The following PLXNC1 variants were observed in gnomAD, a reference collection of about 807,000 sequenced individuals.
PLXNC1 encodes plexin C1, also known as plexin-C1.
PLXNC1 carries 75 observed loss-of-function variants against 178.2 expected under a neutral mutation model. That is an observed-to-expected ratio of 0.42 (90% CI 0.35 to 0.51). The LOEUF is 0.51. Among genes scored for constraint, PLXNC1 ranks in the 20% least tolerant of loss-of-function variants. The pLI is 0.02. For synonymous variants in PLXNC1, 790 were observed against 779.9 expected (o/e 1.01, Z -0.22); for missense variants, 1,503 against 1,984.4 (o/e 0.76, Z 4.61).
intron 21 of PLXNC1, chr12:94,272,045 T>C (rs1028735897): frequency 5.3e-5 from 8 of 152,132 alleles, no homozygotes; most frequent in African/African-American, 1.4e-4. Context: ...GAGAGGCTGA[T>C]GGCTGACATG....
At chr12:94,198,185 G>T (rs1962990214) in intron 4 of PLXNC1, among the ~76,000 whole-genome samples, 1 of 152,170 alleles carries the variant, frequency 6.6e-6, no homozygotes, top group Non-Finnish European at 1.5e-5. Flanking sequence ...GCCATGGAAT[G>T]AAAAGGAATG....
In PLXNC1 at chr12:94,301,953, CCTTAGCCTTATCA is replaced by C. The variant is rs201217283; in HGVS notation, c.4386+909_4386+921del. ...AAATGTCTGTCGCTCCCTCCTCCTTCCTTAGCCTTATCACTTAGCCTTATCCCTTCATCCCGTC... is the reference window on the plus strand; with the variant it reads ...AAATGTCTGTCGCTCCCTCCTCCTTCCTTAGCCTTATCCCTTCATCCCGTC... On this transcript the variant is annotated intron_variant, in intron 28 of 30. Transcript: ENST00000258526. Among the ~76,000 whole-genome samples the C allele has an allele frequency of 8.2e-3, 1,243 of 152,268 alleles. 14 individuals are homozygous for C. Among genetic ancestry groups the C allele is most frequent in the African/African-American group, 0.028 (1,157 of 41,534 alleles).
rs1312670068 is a variant in PLXNC1, at chr12:94,247,871, A to G, written c.2389-32A>G. 6 of 1,599,524 alleles carry G rather than the reference A, an allele frequency of 3.8e-6. No homozygotes were observed. The Admixed American group carries it at 1.0e-4, about 27-fold the overall frequency. ...GATCACAGCTGGGATTCGTTAACAAAGTTACTAAAACATTCTTTTCTTTTT... is the reference window on the plus strand; with the variant it reads ...GATCACAGCTGGGATTCGTTAACAAGGTTACTAAAACATTCTTTTCTTTTT... On this transcript the variant is annotated intron_variant, in intron 12 of 30. Transcript: ENST00000258526.
At chr12:94,155,198 A>G (rs4237889) in intron 1 of PLXNC1, among the ~76,000 whole-genome samples, 118,703 of 152,106 alleles carry the variant, frequency 0.78, 46,500 homozygotes, top group East Asian at 0.95. Flanking sequence ...TGGAACTTCT[A>G]TGGTGTAATT....
intron 23 of PLXNC1, among the ~76,000 whole-genome samples, chr12:94,290,555 T>G (rs942056618): frequency 3.3e-5 from 5 of 152,086 alleles, no homozygotes; most frequent in Non-Finnish European, 7.4e-5. Flanking sequence ...ACACCAGCAG[T>G]TGGAGGCCTC....
chr12:94,247,732 GTAATGT>G lies in PLXNC1; in HGVS notation c.2389-170_2389-165del, dbSNP rs576145525. On this transcript the variant is annotated intron_variant, in intron 12 of 30. Coordinates refer to ENST00000258526, the MANE Select transcript of PLXNC1 (RefSeq NM_005761.3). Reference sequence around the variant, plus strand: ...TCAGTTAACGTAGCCCTCATTTAATGTAATGTAGGGTGAAGTCAATCCTGTGAGGGA... The same window carrying G: ...TCAGTTAACGTAGCCCTCATTTAATGAGGGTGAAGTCAATCCTGTGAGGGA... Among the ~76,000 whole-genome samples the G allele has an allele frequency of 7.5e-3, 1,135 of 152,290 alleles. 13 individuals carry two copies. Among genetic ancestry groups the G allele is most frequent in the Non-Finnish European group, 7.6e-3 (520 of 68,020 alleles).
chr12:94,280,311 G>C (rs747644832), intron 22 of PLXNC1: 3 of 157,312 alleles, frequency 1.9e-5, no homozygotes, highest in East Asian at 1.9e-4. Context: ...GGAGACTGTC[G>C]TGGGATTTTA....
At chr12:94,241,914 G>A (rs993677631) in intron 11 of PLXNC1, among the ~76,000 whole-genome samples, 5 of 150,028 alleles carry the variant, frequency 3.3e-5, no homozygotes, top group Admixed American at 2.7e-4. Flanking sequence ...TTCTTTGCCT[G>A]ACACAGTACG....
intron 21 of PLXNC1, among the ~76,000 whole-genome samples, chr12:94,266,043 C>A (rs1965218967): frequency 2.0e-5 from 3 of 152,196 alleles, no homozygotes; most frequent in African/African-American, 7.2e-5. Context: ...TTCTGGGCTT[C>A]TTCACGATCT....
intron 1 of PLXNC1, among the ~76,000 whole-genome samples, chr12:94,155,292 T>C (rs1285356413): frequency 6.6e-6 from 1 of 152,334 alleles, no homozygotes; most frequent in East Asian, 1.9e-4. Flanking sequence ...CCCAGCAGCA[T>C]GAATATCACC....
chr12:94,195,788 C>T (rs1962892832), intron 4 of PLXNC1, among the ~76,000 whole-genome samples: 1 of 152,188 alleles, frequency 6.6e-6, no homozygotes, highest in South Asian at 2.1e-4. Context: ...CAGCAGGGCC[C>T]TGTGGTCAGT....
chr12:94,261,073 G>A (rs1253362019), intron 20 of PLXNC1, among the ~76,000 whole-genome samples: 4 of 152,174 alleles, frequency 2.6e-5, no homozygotes, highest in African/African-American at 9.7e-5. Context: ...AGACTTTTCA[G>A]GTGAGTTTAC....
At chr12:94,298,927 T>A in intron 27 of PLXNC1, 132 bp downstream of exon 27, 1 of 809,308 alleles carries the variant, frequency 1.2e-6, no homozygotes, top group South Asian at 1.9e-5. Context: ...TAAGCTATCA[T>A]GTCAAAGTAG....
intron 4 of PLXNC1, among the ~76,000 whole-genome samples, chr12:94,192,305 A>G (rs1962756659): frequency 6.6e-6 from 1 of 152,128 alleles, no homozygotes; most frequent in African/African-American, 2.4e-5. Context: ...GCCAACATTC[A>G]TTCATTCAAT....
intron 2 of PLXNC1, among the ~76,000 whole-genome samples, chr12:94,174,053 C>T (rs1464219102): frequency 1.3e-5 from 2 of 152,192 alleles, no homozygotes; most frequent in Non-Finnish European, 2.9e-5. Context: ...CAGTAGGGTT[C>T]AGGATACAGG....
chr12:94,260,642 G>T lies in PLXNC1; in HGVS notation c.3252G>T (p.Arg1084Ser), dbSNP rs1409916557. Residue 1084 changes from arginine to serine, a missense_variant and splice_region_variant, in exon 20 of 31, where the codon AGG (arginine) becomes AGT (serine). This residue lies in a region of PLXNC1 where 639 missense variants were observed against 979.7 expected (regional missense o/e 0.65). Transcript: ENST00000258526. The surrounding 1 kb of genome is among the most constrained non-coding windows in gnomAD (Gnocchi z 4.4). ...EKQKNFSVKD[R>S]CLFASFLTIA... ...TTCACCCAGCTCTCTTTTTCAACAG[G>T]TGTCTGTTTGCCTCCTTCCTAACCA... The T allele has an allele frequency of 6.2e-7, 1 of 1,611,494 alleles. No individual in the cohort carries two copies. The highest frequency in any genetic ancestry group is 2.2e-5 in the East Asian group (1 of 44,856).
In PLXNC1 at chr12:94,282,393, C is replaced by T. The variant is rs1966508543; in HGVS notation, c.3871C>T (p.His1291Tyr). 1 of 1,605,766 alleles carries T rather than the reference C, an allele frequency of 6.2e-7. No individual in the cohort carries two copies. Among genetic ancestry groups the T allele is most frequent in the Non-Finnish European group, 8.5e-7 (1 of 1,172,340 alleles). ...AATCACCAAGCTAAACACCATTGGCCACTATGAGGTAAGAGCAAGACTTGA... is the reference window on the plus strand; with the variant it reads ...AATCACCAAGCTAAACACCATTGGCTACTATGAGGTAAGAGCAAGACTTGA... ...DGITKLNTIG[H>Y]YEISNGSTIK... Residue 1291 changes from histidine (H) to tyrosine (Y), a missense_variant, in exon 23 of 31, where the codon CAC (histidine) becomes TAC (tyrosine). Coordinates refer to ENST00000258526, the MANE Select transcript of PLXNC1 (RefSeq NM_005761.3).
chr12:94,272,848 A>G lies in PLXNC1; in HGVS notation c.3598-6624A>G, dbSNP rs12424176. Among the ~76,000 whole-genome samples the G allele has an allele frequency of 4.3e-3, 651 of 152,310 alleles. 19 individuals are homozygous for G. Among genetic ancestry groups the G allele is most frequent in the Admixed American group, 0.039 (593 of 15,308 alleles). On this transcript the variant is annotated intron_variant, in intron 21 of 30. Coordinates refer to ENST00000258526, the MANE Select transcript of PLXNC1 (RefSeq NM_005761.3). ...TTCAGTGGGTTCTGTGGGGTTCAAT[A>G]TCAAGCTGGGGTGAGGAGGTCAAGC...
intron 5 of PLXNC1, among the ~76,000 whole-genome samples, chr12:94,212,268 C>A (rs55874155): frequency 0.24 from 26,754 of 112,958 alleles, 2,831 homozygotes; most frequent in Middle Eastern, 0.32. Context: ...AGCGAGACTC[C>A]GTCTCAAAAA....
Sources: gnomAD v4.1 joint callset for allele counts (sites outside exome capture counted in the v4.1 genomes callset) on GRCh38, gnomAD v4.1.1 for gene constraint, gnomAD v4.1.1 regional missense constraint, Gnocchi (gnomAD v3.1) non-coding constraint, MANE v1.5 for transcripts, NCBI Gene and HGNC (gene_info 2026-07-23, HGNC 2026-07-21) for gene names.